TENM2: variants seen among roughly 807,000 people sequenced by gnomAD.
The protein encoded by TENM2 is teneurin transmembrane protein 2, also known as teneurin-2.
Under a neutral mutation model 245.2 loss-of-function variants are expected in TENM2, and 52 were observed. That is an observed-to-expected ratio of 0.21 (90% confidence interval 0.17 to 0.27). The LOEUF is 0.27. Ranked by LOEUF, TENM2 falls within the 10% of genes least tolerant of loss-of-function variation. TENM2 has a pLI of 1.00. For synonymous variants in TENM2, 1,363 were observed against 1,438.9 expected (o/e 0.95, Z 1.19); for missense variants, 3,046 against 3,666.8 (o/e 0.83, Z 4.37).
chr5:167,605,483 T>C (rs1212401865), intron 2 of TENM2, among the ~76,000 whole-genome samples: 1 of 152,142 alleles, frequency 6.6e-6, no homozygotes, highest in Non-Finnish European at 1.5e-5. Flanking sequence ...GTTCTCTGTT[T>C]AAATATAGTC....
chr5:167,295,941 A>G (rs1470472402), intron 1 of TENM2, among the ~76,000 whole-genome samples: 1 of 152,232 alleles, frequency 6.6e-6, no homozygotes, highest in East Asian at 1.9e-4. Context: ...GCACCACAAT[A>G]TTAAAAATAA....
chr5:167,931,825 G>A (rs11955570), intron 3 of TENM2, among the ~76,000 whole-genome samples: 1 of 152,060 alleles, frequency 6.6e-6, no homozygotes, highest in Admixed American at 6.5e-5. Context: ...TTCCCTTATC[G>A]CAGATTAATA....
At chr5:168,049,933 G>T (rs1788931421) in intron 6 of TENM2, among the ~76,000 whole-genome samples, 2 of 152,112 alleles carry the variant, frequency 1.3e-5, no homozygotes, top group Non-Finnish European at 2.9e-5. Flanking sequence ...CTCCAGAGTG[G>T]CTGGGACTAC....
intron 12 of TENM2, among the ~76,000 whole-genome samples, chr5:168,140,566 C>T (rs567385355): frequency 6.6e-6 from 1 of 152,312 alleles, no homozygotes; most frequent in South Asian, 2.1e-4. Context: ...GTGCGCCCAC[C>T]TGACTTCTTA....
At chr5:167,468,619 G>C (rs1766816436) in intron 2 of TENM2, among the ~76,000 whole-genome samples, 1 of 152,184 alleles carries the variant, frequency 6.6e-6, no homozygotes, top group South Asian at 2.1e-4. Flanking sequence ...AAAGCTAGCA[G>C]GCAAAGTTGT....
chr5:167,744,078 T>C (rs1761390542), intron 2 of TENM2, among the ~76,000 whole-genome samples: 1 of 152,212 alleles, frequency 6.6e-6, no homozygotes, highest in Non-Finnish European at 1.5e-5. Context: ...AAGCTAAAAC[T>C]TATTTTCTCC....
At chr5:167,960,488 T>C (rs1780921721) in intron 4 of TENM2, among the ~76,000 whole-genome samples, 1 of 152,156 alleles carries the variant, frequency 6.6e-6, no homozygotes, top group South Asian at 2.1e-4. Context: ...TGGCTTTGTT[T>C]ACACTGTGAG....
intron 2 of TENM2, among the ~76,000 whole-genome samples, chr5:167,833,454 A>C (rs1343563582): frequency 6.6e-6 from 1 of 152,240 alleles, no homozygotes; most frequent in African/African-American, 2.4e-5. Flanking sequence ...GTGTTAACAT[A>C]GATTGGTCCA....
intron 7 of TENM2, among the ~76,000 whole-genome samples, chr5:168,070,046 CT>C (rs1790851195): frequency 6.6e-6 from 1 of 152,150 alleles, no homozygotes. Context: ...CAGAAATGCT[CT>C]TTTTGATTAT....
At chr5:167,646,775 C>T (rs1561634815) in intron 2 of TENM2, among the ~76,000 whole-genome samples, 1 of 152,090 alleles carries the variant, frequency 6.6e-6, no homozygotes, top group Non-Finnish European at 1.5e-5. Context: ...TCAACCCCAG[C>T]ATTAGGCGTA....
intron 5 of TENM2, among the ~76,000 whole-genome samples, chr5:168,013,228 A>G (rs1309309136): frequency 1.3e-5 from 2 of 152,228 alleles, no homozygotes; most frequent in African/African-American, 2.4e-5. Context: ...GACCCTTTGA[A>G]GATGATAAGG....
intron 3 of TENM2, among the ~76,000 whole-genome samples, chr5:167,951,153 A>G (rs1258841401): frequency 1.3e-5 from 2 of 152,234 alleles, no homozygotes; most frequent in African/African-American, 4.8e-5. Flanking sequence ...CAGGAACCCC[A>G]GAATGTAGAT....
At chr5:167,114,242 C>A in the TENM2 span, among the ~76,000 whole-genome samples, 2 of 152,132 alleles carry the variant, frequency 1.3e-5, no homozygotes, top group Non-Finnish European at 2.9e-5. Context: ...TGAACCCTGC[C>A]CTTTTCATTC....
At chr5:167,671,501 C>T (rs1276747256) in intron 2 of TENM2, among the ~76,000 whole-genome samples, 1 of 151,824 alleles carries the variant, frequency 6.6e-6, no homozygotes, top group African/African-American at 2.4e-5. Flanking sequence ...TGAGTAAGGC[C>T]CAAGCTGGTA....
rs1790016689 is a variant in TENM2 at position 168,061,287 on chromosome 5, TGCTAGTCAC to T, written c.1310-769_1310-761del. ...GATTAACTTGCTTTTCTTGGGCAAC[TGCTAGTCAC>T]GCTCAGCTTTTCCTTAATTCTGTGG... On this transcript the variant is annotated intron_variant, in intron 6 of 28. Transcript: ENST00000518659. Among the ~76,000 whole-genome samples, 3 of 152,306 alleles carry T rather than the reference TGCTAGTCAC, an allele frequency of 2.0e-5. No individual in the cohort carries two copies. The South Asian group carries it at 6.2e-4, about 32-fold the overall frequency.
intron 1 of TENM2, among the ~76,000 whole-genome samples, chr5:167,293,115 C>T (rs1235893348): frequency 1.3e-5 from 2 of 152,186 alleles, no homozygotes; most frequent in Admixed American, 6.5e-5. Context: ...GTGTCTTCAT[C>T]TAAGCAAGGG....
At chr5:167,496,160 A>C (rs2127549896) in intron 2 of TENM2, among the ~76,000 whole-genome samples, 1 of 152,174 alleles carries the variant, frequency 6.6e-6, no homozygotes, top group African/African-American at 2.4e-5. Flanking sequence ...GTAGTGTTGT[A>C]ATTTGGATGT....
chr5:167,928,013 C>T (rs1216407953), intron 3 of TENM2, among the ~76,000 whole-genome samples: 1 of 152,186 alleles, frequency 6.6e-6, no homozygotes, highest in African/African-American at 2.4e-5. Flanking sequence ...TCCCAGTTAA[C>T]CCAACAGTGT....
intron 13 of TENM2, among the ~76,000 whole-genome samples, chr5:168,170,004 G>T (rs1368269766): frequency 6.6e-6 from 1 of 152,146 alleles, no homozygotes; most frequent in African/African-American, 2.4e-5. Context: ...GCCAGATGCT[G>T]GGTCTCTCTT....
Sources: gnomAD v4.1 joint callset for allele counts (sites outside exome capture counted in the v4.1 genomes callset) on GRCh38, gnomAD v4.1.1 for gene constraint, MANE v1.5 for transcripts, NCBI Gene and HGNC (gene_info 2026-07-23, HGNC 2026-07-21) for gene names.